Variants in PLCH1 observed in about 807,000 individuals in gnomAD.
PLCH1 encodes the protein phospholipase C eta 1.
A neutral mutation model predicts 126.7 loss-of-function variants in PLCH1; 60 were observed. That is an observed-to-expected ratio of 0.47 (90% CI 0.38 to 0.59). The LOEUF is 0.59. Ranked by LOEUF, PLCH1 falls within the 20% of genes least tolerant of loss-of-function variation. The probability of loss-of-function intolerance (pLI) is 0.00; values close to 1 mark genes in which losing one functional copy is unlikely to be tolerated. For synonymous variants in PLCH1, 719 were observed against 734.9 expected, an observed-to-expected ratio of 0.98 and a Z score of 0.35; for missense variants, 1,723 against 2,040.0, an observed-to-expected ratio of 0.84 and a Z score of 2.99.
chr3:155,505,323 T>G (rs1480208526), intron 12 of PLCH1, among the ~76,000 whole-genome samples: 1 of 152,178 alleles, frequency 6.6e-6, no homozygotes, highest in Non-Finnish European at 1.5e-5. Context: ...GGAGCCTATG[T>G]CTCATTAGGT....
intron 1 of PLCH1, among the ~76,000 whole-genome samples, chr3:155,705,183 G>A (rs6441010): frequency 0.12 from 18,250 of 152,046 alleles, 1,731 homozygotes; most frequent in African/African-American, 0.26. Context: ...TTTTGTAAAC[G>A]TATCCCAGGA....
At position 155,481,379 on chromosome 3, in the gene PLCH1, G is replaced by A; in HGVS notation, c.4647C>T (p.Asn1549=). The A allele has an allele frequency of 6.2e-7, 1 of 1,614,250 alleles. No individual in the cohort carries two copies. The highest frequency in any genetic ancestry group is 1.1e-5 in the South Asian group (1 of 91,086). ...RKLVSFDQED[N]CQVLYSKQDA... ...CCTGCTTTGAATATAGCACTTGGCA[G>A]TTGTCTTCCTGGTCAAAGGACACAA... Residue 1549 remains asparagine (N), a synonymous_variant, in exon 23 of 23, where the codon AAC becomes AAT. Coordinates refer to ENST00000460012, the MANE Select transcript of PLCH1 (RefSeq NM_014996.4). This position sits in a 1 kb window ranked among gnomAD's most constrained non-coding sequence, Gnocchi z 4.2.
intron 21 of PLCH1, among the ~76,000 whole-genome samples, chr3:155,470,557 AT>A (rs1713164268): frequency 6.6e-6 from 1 of 152,188 alleles, no homozygotes; most frequent in Admixed American, 6.5e-5. Context: ...CAACGTTCAG[AT>A]TCAGGAAATA....
At chr3:155,622,169 T>C (rs964170345) in intron 2 of PLCH1, among the ~76,000 whole-genome samples, 4 of 152,124 alleles carry the variant, frequency 2.6e-5, no homozygotes, top group Non-Finnish European at 5.9e-5. Context: ...CTAAGCTTCA[T>C]AAGCAAAAGA....
intron 10 of PLCH1, among the ~76,000 whole-genome samples, chr3:155,526,467 TC>T: frequency 9.3e-6 from 1 of 107,920 alleles, no homozygotes; most frequent in East Asian, 2.2e-4. Flanking sequence ...TCTCTCTTTC[TC>T]TCTTCTTTCT....
At chr3:155,646,617 T>C (rs2108878094) in intron 2 of PLCH1, among the ~76,000 whole-genome samples, 1 of 152,310 alleles carries the variant, frequency 6.6e-6, no homozygotes, top group Admixed American at 6.5e-5. Context: ...AGGAATAACC[T>C]TCTTTTTATC....
At chr3:155,504,529 G>C (rs998276163) in intron 13 of PLCH1, 26 bp downstream of exon 13, 3 of 1,227,070 alleles carry the variant, frequency 2.4e-6, no homozygotes, top group African/African-American at 1.5e-5. Context: ...ACTGAAGTAT[G>C]CATAGTTATT....
At chr3:155,458,427 AAGGAAGGAAGGAAG>A in intron 21 of PLCH1, among the ~76,000 whole-genome samples, 1 of 83,956 alleles carries the variant, frequency 1.2e-5, no homozygotes, top group African/African-American at 8.2e-5. Flanking sequence ...GGAAGGAAGG[AAGGAAGGAAGGAAG>A]GAAGGAAGGA....
In PLCH1 at chr3:155,497,369, A is replaced by G; in HGVS notation, c.1845T>C (p.Asp615=). 6.2e-7 allele frequency: 1 copy of G among 1,613,998 alleles called. No homozygotes were observed. Among genetic ancestry groups the G allele is most frequent in the Non-Finnish European group, 8.5e-7 (1 of 1,179,872 alleles). The part of the protein sequence containing the change: ...KTMKLCRELS[D]LVVYTNSVAA... Reference sequence around the variant, plus strand: ...CCACGGAGTTTGTGTACACAACCAAATCAGAGAGTTCTCGGCAGAGCTTCA... The same window carrying G: ...CCACGGAGTTTGTGTACACAACCAAGTCAGAGAGTTCTCGGCAGAGCTTCA... The change falls in exon 15 of 23, where the codon GAT becomes GAC. Residue 615 remains aspartate, a synonymous_variant. Transcript: ENST00000460012.
chr3:155,695,159 C>T (rs573290940), intron 2 of PLCH1, among the ~76,000 whole-genome samples: 2 of 152,056 alleles, frequency 1.3e-5, no homozygotes. Flanking sequence ...AGATAAAATA[C>T]ATATGTATGT....
chr3:155,562,073 G>A (rs969516654), intron 8 of PLCH1, among the ~76,000 whole-genome samples: 16 of 152,152 alleles, frequency 1.1e-4, no homozygotes, highest in African/African-American at 2.7e-4. Context: ...GAGCCACTGC[G>A]CCTGGCCACA....
chr3:155,553,095 TA>T (rs1246193672), intron 9 of PLCH1, among the ~76,000 whole-genome samples: 1 of 152,154 alleles, frequency 6.6e-6, no homozygotes, highest in African/African-American at 2.4e-5. Flanking sequence ...CTCAGATGAA[TA>T]TTCACTGAGG....
chr3:155,586,345 A>G (rs1731371510), intron 4 of PLCH1, 151 bp from the exon 5 acceptor site: 1 of 682,170 alleles, frequency 1.5e-6, no homozygotes, highest in Non-Finnish European at 2.5e-6. Context: ...CTGATGAGCT[A>G]CTAATAATGA....
intron 2 of PLCH1, among the ~76,000 whole-genome samples, chr3:155,655,511 G>A (rs1025305808): frequency 6.6e-6 from 1 of 151,998 alleles, no homozygotes; most frequent in African/African-American, 2.4e-5. Context: ...TATTTTATTG[G>A]ATCAGTCTTG....
chr3:155,642,760 C>T (rs1739555814), intron 2 of PLCH1, among the ~76,000 whole-genome samples: 1 of 152,154 alleles, frequency 6.6e-6, no homozygotes, highest in Admixed American at 6.5e-5. Context: ...TGATTTTTCT[C>T]TTTGCATGTG....
At chr3:155,720,073 C>T (rs949358495) in intron 1 of PLCH1, among the ~76,000 whole-genome samples, 1 of 152,138 alleles carries the variant, frequency 6.6e-6, no homozygotes, top group Non-Finnish European at 1.5e-5. Context: ...GGATTACAGG[C>T]GTGAGCTACC....
At chr3:155,695,014 CA>C (rs1745693992) in intron 2 of PLCH1, among the ~76,000 whole-genome samples, 1 of 149,558 alleles carries the variant, frequency 6.7e-6, no homozygotes, top group African/African-American at 2.5e-5. Flanking sequence ...AATTACCCCA[CA>C]GACAACACTT....
chr3:155,732,159 T>G (rs1055875318), intron 1 of PLCH1, among the ~76,000 whole-genome samples: 2 of 151,504 alleles, frequency 1.3e-5, no homozygotes, highest in Admixed American at 6.6e-5. Context: ...TAGAAATAAT[T>G]CAAAAAAATT....
At chr3:155,511,681 G>C (rs1485768664) in intron 12 of PLCH1, among the ~76,000 whole-genome samples, 4 of 141,570 alleles carry the variant, frequency 2.8e-5, no homozygotes, top group African/African-American at 1.1e-4. Flanking sequence ...AGGGGTCAGG[G>C]ACCCACTTGA....
Sources: gnomAD v4.1 joint callset for allele counts (sites outside exome capture counted in the v4.1 genomes callset) on GRCh38, gnomAD v4.1.1 for gene constraint, Gnocchi (gnomAD v3.1) non-coding constraint, MANE v1.5 for transcripts, NCBI Gene and HGNC (gene_info 2026-07-23, HGNC 2026-07-21) for gene names.